The following RAB30 variants were observed in gnomAD, a reference collection of about 807,000 sequenced individuals.
RAB30 encodes the protein RAB30, member RAS oncogene family, also known as ras-related protein Rab-30.
Under a neutral mutation model 25.1 loss-of-function variants are expected in RAB30, and 9 were observed. The observed-to-expected ratio is 0.36, with a 90% CI of 0.22 to 0.63. The LOEUF is 0.63. Among genes scored for constraint, RAB30 ranks in the 20% least tolerant of loss-of-function variants. RAB30 has a pLI of 0.69. For missense variants in RAB30, 140 were observed against 243.5 expected, an observed-to-expected ratio of 0.58 and a Z score of 2.83; for synonymous variants, 77 against 86.4, an observed-to-expected ratio of 0.89 and a Z score of 0.60.
intron 1 of RAB30, among the ~76,000 whole-genome samples, chr11:83,065,200 C>A (rs1858667740): frequency 6.6e-6 from 1 of 151,716 alleles, no homozygotes; most frequent in Admixed American, 6.6e-5. Flanking sequence ...CTAGCCTGGG[C>A]AACATAGTGA....
At chr11:83,063,421 A>G (rs927882768) in intron 1 of RAB30, among the ~76,000 whole-genome samples, 4 of 152,242 alleles carry the variant, frequency 2.6e-5, no homozygotes, top group African/African-American at 9.6e-5. Context: ...TAACTAGAAA[A>G]TAAAATTTTT....
At position 82,977,695 on chromosome 11, in the gene RAB30, A is replaced by G. The variant is rs1375431239; in HGVS notation, c.*4470T>C. 2.0e-5 allele frequency: 3 copies of G among 152,092 alleles called. No individual in the cohort carries two copies. The highest frequency in any genetic ancestry group is 7.2e-5 in the African/African-American group (3 of 41,422). The allele number at this position is 152,092 out of a possible 1,614,324, so 9.4% of individuals were successfully genotyped here. Reference sequence around the variant, plus strand: ...CTTTTTCCTAACCTAAGTCTCCCCAAATCCTTCAAGTATTCTTTAAATGGC... The same window carrying G: ...CTTTTTCCTAACCTAAGTCTCCCCAGATCCTTCAAGTATTCTTTAAATGGC... On this transcript the variant is annotated 3_prime_UTR_variant, in exon 5 of 5. Transcript: ENST00000527633.
At chr11:83,033,278 C>A (rs1857916115) in intron 1 of RAB30, among the ~76,000 whole-genome samples, 2 of 151,908 alleles carry the variant, frequency 1.3e-5, no homozygotes, top group East Asian at 1.9e-4. Flanking sequence ...GTTGGTCAGG[C>A]TGGTCTCGAA....
chr11:83,029,775 G>T (rs573792873), intron 1 of RAB30, among the ~76,000 whole-genome samples: 1 of 152,148 alleles, frequency 6.6e-6, no homozygotes, highest in Admixed American at 6.5e-5. Flanking sequence ...CAATTGCAAA[G>T]ATATGGAACC....
In RAB30 at chr11:82,980,352, A is replaced by G. The variant is rs1856616838; in HGVS notation, c.*1813T>C. The G allele has an allele frequency of 6.6e-6, 1 of 152,242 alleles. No individual in the cohort carries two copies. The highest frequency in any genetic ancestry group is 2.1e-4 in the South Asian group (1 of 4,832). 9.4% of individuals were successfully genotyped at this position (152,242 alleles called of 1,614,324 possible). On this transcript the variant is annotated 3_prime_UTR_variant, in exon 5 of 5. Coordinates refer to ENST00000527633, the MANE Select transcript of RAB30 (RefSeq NM_001286060.2). ...AAACACAGTGAGGCCAACCAAAAGT[A>G]TCAGCCCCTTAAAAAATATGCATAA...
At chr11:82,983,963 G>A (rs1461224039) in intron 4 of RAB30, among the ~76,000 whole-genome samples, 1 of 152,040 alleles carries the variant, frequency 6.6e-6, no homozygotes, top group Non-Finnish European at 1.5e-5. Flanking sequence ...GGGACTTTTG[G>A]CATAGGAAAA....
intron 1 of RAB30, among the ~76,000 whole-genome samples, chr11:83,063,435 C>T (rs1320896245): frequency 6.6e-6 from 1 of 152,158 alleles, no homozygotes; most frequent in Non-Finnish European, 1.5e-5. Flanking sequence ...AATTTTTCTG[C>T]AGAATTCTCT....
chr11:83,046,364 G>A (rs549996229), intron 1 of RAB30, among the ~76,000 whole-genome samples: 2 of 152,158 alleles, frequency 1.3e-5, no homozygotes, highest in South Asian at 2.1e-4. Flanking sequence ...GGGCTGGAGA[G>A]GTATTCCACC....
At chr11:82,983,103 C>T (rs888647170) in intron 4 of RAB30, among the ~76,000 whole-genome samples, 2 of 151,596 alleles carry the variant, frequency 1.3e-5, no homozygotes, top group African/African-American at 4.8e-5. Flanking sequence ...CAATACGCAA[C>T]TGTCTATCCA....
Position 82,975,461 on chromosome 11 carries a change from G to A in RAB30, c.*6704C>T, listed in dbSNP as rs901750197. 1.2e-4 allele frequency: 19 copies of A among 152,010 alleles called. No individual in the cohort carries two copies. The highest frequency in any genetic ancestry group is 1.1e-3 in the Admixed American group (17 of 15,264). The allele number at this position is 152,010 out of a possible 1,614,324, so 9.4% of individuals were successfully genotyped here. On this transcript the variant is annotated 3_prime_UTR_variant, in exon 5 of 5. Coordinates refer to ENST00000527633, the MANE Select transcript of RAB30 (RefSeq NM_001286060.2). ...TGTACATGAATTTTTTCTTTATTAG[G>A]CATTTTGTATTCCAATTTTTGTTTT...
chr11:82,994,569 G>C (rs11233404), intron 2 of RAB30, among the ~76,000 whole-genome samples: 33,333 of 152,052 alleles, frequency 0.22, 4,081 homozygotes, highest in African/African-American at 0.32. Context: ...CTTAAAACTA[G>C]TTATCAGTCT....
chr11:83,067,315 A>G (rs140558188), intron 1 of RAB30, among the ~76,000 whole-genome samples: 44 of 152,326 alleles, frequency 2.9e-4, no homozygotes, highest in African/African-American at 1.0e-3. Flanking sequence ...AGTATAAACT[A>G]TTGGAATAAA....
intron 1 of RAB30, chr11:83,039,109 T>C (rs1858049091): frequency 6.6e-6 from 1 of 152,272 alleles, no homozygotes; most frequent in East Asian, 1.9e-4. Context: ...ATTTAGATAA[T>C]TTGAAAGAAA....
chr11:83,043,755 T>G (rs1858179493), intron 1 of RAB30, among the ~76,000 whole-genome samples: 1 of 152,302 alleles, frequency 6.6e-6, no homozygotes, highest in Non-Finnish European at 1.5e-5. Flanking sequence ...ATGTTTGTTT[T>G]AAATTTTTCA....
chr11:82,991,630 T>G (rs1488358849), intron 3 of RAB30, among the ~76,000 whole-genome samples: 1 of 152,004 alleles, frequency 6.6e-6, no homozygotes, highest in Non-Finnish European at 1.5e-5. Context: ...CTTAAATTCA[T>G]GTGGTTGAAG....
chr11:82,989,062 C>T (rs1856797493), intron 3 of RAB30, among the ~76,000 whole-genome samples: 1 of 152,160 alleles, frequency 6.6e-6, no homozygotes. Context: ...AAATAGAGCA[C>T]TTGGCAAATA....
intron 3 of RAB30, 62 bp from the exon 4 acceptor site, chr11:82,987,832 A>C: frequency 8.1e-7 from 1 of 1,232,114 alleles, no homozygotes; most frequent in Non-Finnish European, 1.1e-6. Flanking sequence ...AAAAGAAAAA[A>C]AAAGCTTTGC....
intron 1 of RAB30, chr11:83,060,313 C>A (rs1858543015): frequency 6.6e-6 from 1 of 152,054 alleles, no homozygotes; most frequent in Non-Finnish European, 1.5e-5. Flanking sequence ...TTCATGAATA[C>A]CAATTGACCG....
chr11:83,027,802 G>A (rs1857759933), intron 1 of RAB30, among the ~76,000 whole-genome samples: 1 of 152,088 alleles, frequency 6.6e-6, no homozygotes, highest in African/African-American at 2.4e-5. Flanking sequence ...TAGTCACTCT[G>A]CATTCCCCCC....
Sources: allele counts gnomAD v4.1 joint callset (sites outside exome capture counted in the v4.1 genomes callset), GRCh38; gene constraint gnomAD v4.1.1; transcripts MANE v1.5; gene names NCBI Gene and HGNC (gene_info 2026-07-23, HGNC 2026-07-21).